The following PTPRD variants were observed in gnomAD, a reference collection of about 807,000 sequenced individuals.
PTPRD encodes the protein receptor-type tyrosine-protein phosphatase delta.
PTPRD carries 34 observed loss-of-function variants against 214.5 expected under a neutral mutation model. The ratio of observed to expected loss-of-function variants is 0.16; its 90% CI spans 0.12 to 0.21. The LOEUF is 0.21. Among genes scored for constraint, PTPRD ranks in the 10% least tolerant of loss-of-function variants. The pLI, the probability that PTPRD is intolerant of heterozygous loss-of-function variation, is 1.00. For missense variants in PTPRD, 2,545 were observed against 2,398.7 expected, an observed-to-expected ratio of 1.06 and a Z score of -1.27; for synonymous variants, 1,128 against 845.7, an observed-to-expected ratio of 1.33 and a Z score of -5.79.
chr9:8,420,885 T>C (rs2131570975), intron 35 of PTPRD, among the ~76,000 whole-genome samples: 1 of 151,836 alleles, frequency 6.6e-6, no homozygotes, highest in South Asian at 2.1e-4. Flanking sequence ...TATTCCCCTG[T>C]TGTTTTATTT....
At chr9:9,555,552 A>C (rs1218631003) in intron 8 of PTPRD, among the ~76,000 whole-genome samples, 5 of 152,076 alleles carry the variant, frequency 3.3e-5, no homozygotes, top group Non-Finnish European at 5.9e-5. Context: ...TGTGCCACTA[A>C]AATTCAGCAT....
intron 9 of PTPRD, among the ~76,000 whole-genome samples, chr9:9,246,266 C>T (rs1290432336): frequency 6.6e-6 from 1 of 152,018 alleles, no homozygotes; most frequent in East Asian, 1.9e-4. Flanking sequence ...GAAACTAATA[C>T]TTTCAGGTTT....
intron 2 of PTPRD, among the ~76,000 whole-genome samples, chr9:10,507,727 G>A (rs2046519955): frequency 6.6e-6 from 1 of 152,126 alleles, no homozygotes; most frequent in African/African-American, 2.4e-5. Flanking sequence ...AAATGGTGCT[G>A]GGAAAACTGG....
intron 3 of PTPRD, among the ~76,000 whole-genome samples, chr9:10,115,423 A>T (rs2098722804): frequency 6.6e-6 from 1 of 152,068 alleles, no homozygotes; most frequent in African/African-American, 2.4e-5. Flanking sequence ...TTAGGTAATT[A>T]GGTGACCAAA....
In PTPRD at chr9:9,325,265, G is replaced by C. The variant is rs192326795; in HGVS notation, c.-203+72184C>G. On this transcript the variant is annotated intron_variant, in intron 9 of 45. Transcript: ENST00000381196. The stretch of plus-strand genomic sequence containing the variant: ...TAGCTTGATGGGGATGGCATTGAAT[G>C]TATAAATTACCTTGGGCAGTATGGC... 8.1e-3 allele frequency among the ~76,000 whole-genome samples: 1,227 copies of C among 152,170 alleles called. 16 individuals are homozygous for C. Among genetic ancestry groups the C allele is most frequent in the African/African-American group, 0.028 (1,157 of 41,526 alleles).
intron 14 of PTPRD, among the ~76,000 whole-genome samples, chr9:8,537,606 C>T (rs546619469): frequency 5.9e-5 from 9 of 152,076 alleles, no homozygotes; most frequent in African/African-American, 2.2e-4. Context: ...TAGAATTATG[C>T]CATGCAGGAA....
intron 19 of PTPRD, among the ~76,000 whole-genome samples, chr9:8,523,085 CT>C (rs1482475764): frequency 6.6e-6 from 1 of 151,894 alleles, no homozygotes; most frequent in East Asian, 1.9e-4. Flanking sequence ...AGTGTAGACT[CT>C]GAGGTATCAA....
At chr9:8,716,818 T>C (rs2098441707) in intron 12 of PTPRD, among the ~76,000 whole-genome samples, 1 of 152,136 alleles carries the variant, frequency 6.6e-6, no homozygotes, top group African/African-American at 2.4e-5. Flanking sequence ...GGTCACTGGC[T>C]GTATGGAAGG....
chr9:9,634,438 G>A (rs1259503594), intron 7 of PTPRD, among the ~76,000 whole-genome samples: 1 of 152,052 alleles, frequency 6.6e-6, no homozygotes, highest in Non-Finnish European at 1.5e-5. Flanking sequence ...GAGAGCAATG[G>A]CAAATATAAT....
At chr9:9,739,662 CCT>C (rs1179300762) in intron 6 of PTPRD, among the ~76,000 whole-genome samples, 1 of 150,956 alleles carries the variant, frequency 6.6e-6, no homozygotes, top group Non-Finnish European at 1.5e-5. Flanking sequence ...TTGTTGATCC[CCT>C]CTGTTGTATG....
rs73641896 is a variant in PTPRD, at chr9:10,258,103, A to G, written c.-545+82860T>C. 2.6e-3 allele frequency among the ~76,000 whole-genome samples: 403 copies of G among 152,298 alleles called. 5 individuals carry two copies. Among genetic ancestry groups the G allele is most frequent in the African/African-American group, 9.2e-3 (383 of 41,560 alleles). ...CTTAATTCTAGCCATCCTTCAGCCA[A>G]TTCCACTCCTGGTCTTCCAAAGATT... On this transcript the variant is annotated intron_variant, in intron 3 of 45. Coordinates refer to ENST00000381196, the MANE Select transcript of PTPRD (RefSeq NM_002839.4).
At chr9:10,249,361 A>C (rs1564785071) in intron 3 of PTPRD, among the ~76,000 whole-genome samples, 7 of 152,162 alleles carry the variant, frequency 4.6e-5, no homozygotes, top group Admixed American at 1.3e-4. Flanking sequence ...CAGGTATGTT[A>C]GTTCTCAGCG....
intron 2 of PTPRD, among the ~76,000 whole-genome samples, chr9:10,496,141 G>C (rs1473737430): frequency 1.3e-5 from 2 of 151,580 alleles, no homozygotes; most frequent in African/African-American, 2.4e-5. Flanking sequence ...AACAGCCTTT[G>C]TTTAATTATT....
chr9:10,291,951 A>G (rs2154400818), intron 3 of PTPRD, among the ~76,000 whole-genome samples: 1 of 152,126 alleles, frequency 6.6e-6, no homozygotes, highest in East Asian at 1.9e-4. Context: ...TACAGTAAAG[A>G]TCTGGTTAAT....
intron 10 of PTPRD, among the ~76,000 whole-genome samples, chr9:9,158,033 G>T (rs2099882812): frequency 6.6e-6 from 1 of 152,072 alleles, no homozygotes; most frequent in African/African-American, 2.4e-5. Flanking sequence ...CCATGTCCCT[G>T]CAAAGGACGT....
At chr9:10,320,471 G>A (rs1267191945) in intron 3 of PTPRD, among the ~76,000 whole-genome samples, 1 of 151,970 alleles carries the variant, frequency 6.6e-6, no homozygotes, top group Admixed American at 6.6e-5. Context: ...TTTGTCATGT[G>A]CTTGGTAGGC....
chr9:10,207,060 A>G (rs1387948926), intron 3 of PTPRD, among the ~76,000 whole-genome samples: 1 of 152,142 alleles, frequency 6.6e-6, no homozygotes, highest in Non-Finnish European at 1.5e-5. Context: ...TATTGTATTC[A>G]TCATCTATCT....
At chr9:8,663,614 C>T (rs1037367037) in intron 12 of PTPRD, among the ~76,000 whole-genome samples, 2 of 151,968 alleles carry the variant, frequency 1.3e-5, no homozygotes, top group African/African-American at 2.4e-5. Context: ...CCTCAGCCTC[C>T]CCAAGTAGCT....
chr9:9,324,604 T>C (rs1219411636), intron 9 of PTPRD, among the ~76,000 whole-genome samples: 2 of 152,228 alleles, frequency 1.3e-5, no homozygotes, highest in Non-Finnish European at 1.5e-5. Flanking sequence ...CTTTGACAGA[T>C]AGGTAGATTG....
Sources: gnomAD v4.1 joint callset for allele counts (sites outside exome capture counted in the v4.1 genomes callset) on GRCh38, gnomAD v4.1.1 for gene constraint, MANE v1.5 for transcripts, NCBI Gene and HGNC (gene_info 2026-07-23, HGNC 2026-07-21) for gene names.